Variants in SRGAP3 observed in about 807,000 individuals in gnomAD.
The protein encoded by SRGAP3 is SLIT-ROBO Rho GTPase activating protein 3.
In SRGAP3, 39 loss-of-function variants were observed where a neutral mutation model predicts 121.1. The observed-to-expected ratio is 0.32, with a 90% CI of 0.25 to 0.42. SRGAP3 has a LOEUF of 0.42. SRGAP3 is among the 10% of genes least tolerant of loss of function. The pLI is 1.00. For missense variants in SRGAP3, 1,213 were observed against 1,470.6 expected, an observed-to-expected ratio of 0.82 and a Z score of 2.86; for synonymous variants, 601 against 570.0, an observed-to-expected ratio of 1.05 and a Z score of -0.77.
intron 1 of SRGAP3, among the ~76,000 whole-genome samples, chr3:9,206,523 C>CATAACCTCATCT (rs1223709556): frequency 6.6e-6 from 1 of 152,182 alleles, no homozygotes; most frequent in Non-Finnish European, 1.5e-5. Flanking sequence ...CCCTCGATGC[C>CATAACCTCATCT]TCTCTGACCT....
At chr3:9,070,793 T>C (rs1946667778) in intron 4 of SRGAP3, among the ~76,000 whole-genome samples, 1 of 152,192 alleles carries the variant, frequency 6.6e-6, no homozygotes, top group South Asian at 2.1e-4. Flanking sequence ...AGCAGTTCAT[T>C]ATGTGCCAGG....
At position 9,047,438 on chromosome 3, in the gene SRGAP3, G is replaced by C; in HGVS notation, c.1361C>G (p.Thr454Ser). 6.2e-7 allele frequency: 1 copy of C among 1,614,192 alleles called. No individual in the cohort carries two copies. The highest frequency in any genetic ancestry group is 8.5e-7 in the Non-Finnish European group (1 of 1,180,042). Residue 454 changes from threonine to serine, a missense_variant, in exon 10 of 22, where the codon ACC becomes AGC. Transcript: ENST00000383836. ...TAAATCGTGCTTGGCCTGCAGCTTG[G>C]TGATGAGGTTACTGCCATTCACATA... is the stretch of plus-strand genomic sequence containing the variant. ...KEYVNGSNLI[T>S]KLQAKHDLLK...
chr3:9,314,466 G>C (rs1201365701), intron 3 of SRGAP3, among the ~76,000 whole-genome samples: 2 of 151,946 alleles, frequency 1.3e-5, no homozygotes, highest in African/African-American at 4.8e-5. Context: ...GAAGGAGAAG[G>C]GGAAGAAGAA....
chr3:9,236,731 T>A (rs1455024407), intron 1 of SRGAP3, among the ~76,000 whole-genome samples: 1 of 152,168 alleles, frequency 6.6e-6, no homozygotes, highest in Non-Finnish European at 1.5e-5. Context: ...TGTGAGCCAA[T>A]TAAACCTCTT....
At chr3:9,009,624 G>A (rs1225236634) in intron 18 of SRGAP3, among the ~76,000 whole-genome samples, 1 of 152,080 alleles carries the variant, frequency 6.6e-6, no homozygotes, top group Non-Finnish European at 1.5e-5. Context: ...TTGGCATATG[G>A]TTCAGATTGC....
chr3:9,206,677 C>A (rs1423832854), intron 1 of SRGAP3, among the ~76,000 whole-genome samples: 1 of 152,130 alleles, frequency 6.6e-6, no homozygotes, highest in Non-Finnish European at 1.5e-5. Flanking sequence ...ATCTGCATGG[C>A]CAGCTCACCC....
rs1575041345 is a variant in SRGAP3, at chr3:9,080,094, T to C, written c.424-7A>G. The stretch of plus-strand genomic sequence containing the variant: ...GCAGGCCAATCTCCTTGCTCTGGAA[T>C]GTGGAAGAACAAATGTCAGCGGGGG... On this transcript the variant is annotated splice_region_variant and splice_polypyrimidine_tract_variant and intron_variant, in intron 3 of 21. Transcript: ENST00000383836. The C allele has an allele frequency of 8.1e-6, 13 of 1,614,176 alleles. No homozygotes were observed. The highest frequency in any genetic ancestry group is 1.1e-5 in the Non-Finnish European group (13 of 1,180,028).
intron 1 of SRGAP3, among the ~76,000 whole-genome samples, chr3:9,212,701 G>C (rs1457036640): frequency 6.6e-6 from 1 of 152,230 alleles, no homozygotes; most frequent in African/African-American, 2.4e-5. Context: ...GTGACAGAGA[G>C]AGACTCCGTC....
intron 3 of SRGAP3, among the ~76,000 whole-genome samples, chr3:9,277,986 A>G (rs1362026828): frequency 6.6e-6 from 1 of 152,174 alleles, no homozygotes; most frequent in Admixed American, 6.5e-5. Context: ...ATGTGAGGAC[A>G]CAGCTGGAAG....
At chr3:9,181,070 C>T (rs1395474772) in intron 1 of SRGAP3, among the ~76,000 whole-genome samples, 1 of 152,206 alleles carries the variant, frequency 6.6e-6, no homozygotes, top group Non-Finnish European at 1.5e-5. Flanking sequence ...TCTGTGAAGC[C>T]TCAAGCAAAA....
At chr3:9,352,715 C>T (rs1188056981) in intron 1 of SRGAP3, among the ~76,000 whole-genome samples, 2 of 152,200 alleles carry the variant, frequency 1.3e-5, no homozygotes, top group Non-Finnish European at 2.9e-5. Flanking sequence ...GGGGTCAGGC[C>T]ACCTTGGTGT....
intron 2 of SRGAP3, among the ~76,000 whole-genome samples, chr3:9,116,424 C>T (rs1948808702): frequency 6.6e-6 from 1 of 152,118 alleles, no homozygotes; most frequent in Non-Finnish European, 1.5e-5. Flanking sequence ...AGAAATGGTC[C>T]CTTGCCTTCA....
At position 8,980,854 on chromosome 3, in the gene SRGAP3, C is replaced by G. The variant is rs1274748180; in HGVS notation, c.*4665G>C. The G allele has an allele frequency of 4.3e-6, 1 of 233,330 alleles. No homozygotes were observed. Among genetic ancestry groups the G allele is most frequent in the African/African-American group, 2.2e-5 (1 of 45,340 alleles). 14.5% of individuals were successfully genotyped at this position (233,330 alleles called of 1,614,324 possible). A position where few individuals can be genotyped will look rare whatever the true frequency, so the allele number is the denominator to read the frequency against. ...AACCAAAGGAAACAAAATAGACCAG[C>G]CACTCTGAAGCAATCAGAATCAAAC... On this transcript the variant is annotated 3_prime_UTR_variant, in exon 22 of 22. Transcript: ENST00000383836.
intron 4 of SRGAP3, among the ~76,000 whole-genome samples, chr3:9,078,868 T>C (rs2085628993): frequency 6.6e-6 from 1 of 152,216 alleles, no homozygotes; most frequent in Non-Finnish European, 1.5e-5. Context: ...GTTTCAACTT[T>C]TATCTAAGAA....
chr3:9,200,690 C>T (rs976778966), intron 1 of SRGAP3, among the ~76,000 whole-genome samples: 2 of 152,072 alleles, frequency 1.3e-5, no homozygotes, highest in Non-Finnish European at 1.5e-5. Flanking sequence ...TTTCCAGATC[C>T]CAAAAAGACA....
At chr3:9,210,267 A>G (rs1426919222) in intron 1 of SRGAP3, among the ~76,000 whole-genome samples, 2 of 152,248 alleles carry the variant, frequency 1.3e-5, no homozygotes, top group Admixed American at 6.5e-5. Flanking sequence ...AAGTCAATGA[A>G]CAGTACACTT....
intron 14 of SRGAP3, among the ~76,000 whole-genome samples, chr3:9,017,059 T>G (rs1943675049): frequency 6.6e-6 from 1 of 152,200 alleles, no homozygotes; most frequent in Admixed American, 6.5e-5. Flanking sequence ...ACTTTTTACT[T>G]TCCTTGATCC....
intron 1 of SRGAP3, among the ~76,000 whole-genome samples, chr3:9,223,752 C>G (rs981630603): frequency 3.3e-5 from 5 of 152,298 alleles, no homozygotes; most frequent in African/African-American, 1.2e-4. Context: ...AGGACAGACA[C>G]AAATGGCTTC....
At chr3:9,010,508 T>TA in intron 17 of SRGAP3, 121 bp from the exon 18 acceptor site, 1 of 1,013,224 alleles carries the variant, frequency 9.9e-7, no homozygotes, top group East Asian at 2.5e-5. Context: ...TGCAGGCCTA[T>TA]ACCATCCTAT....
Sources: allele counts gnomAD v4.1 joint callset (sites outside exome capture counted in the v4.1 genomes callset), GRCh38; gene constraint gnomAD v4.1.1; transcripts MANE v1.5; gene names NCBI Gene and HGNC (gene_info 2026-07-23, HGNC 2026-07-21).